TSC22D1: variants seen among roughly 807,000 people sequenced by gnomAD.
TSC22D1 encodes TSC22 domain family protein 1.
TSC22D1 carries 9 observed loss-of-function variants against 74.2 expected under a neutral mutation model. That is an observed-to-expected ratio of 0.12 (90% CI 0.07 to 0.21). The LOEUF is 0.21. TSC22D1 is among the 10% of genes least tolerant of loss of function. The pLI, the probability that TSC22D1 is intolerant of heterozygous loss-of-function variation, is 1.00. For missense variants in TSC22D1, 1,427 were observed against 1,304.7 expected (o/e 1.09, Z -1.44); for synonymous variants, 586 against 492.5 (o/e 1.19, Z -2.51).
intron 1 of TSC22D1, among the ~76,000 whole-genome samples, chr13:44,571,849 A>G (rs965734205): frequency 6.6e-6 from 1 of 152,184 alleles, no homozygotes; most frequent in Admixed American, 6.5e-5. Context: ...AAAATCTTGA[A>G]AGATAAGATT....
chr13:44,532,955 C>A (rs1262055905), intron 1 of TSC22D1, among the ~76,000 whole-genome samples: 1 of 152,072 alleles, frequency 6.6e-6, no homozygotes, highest in Non-Finnish European at 1.5e-5. Flanking sequence ...GATCAACAAG[C>A]AGCAGTAAGT....
rs752508270 is a variant in TSC22D1, at chr13:44,575,240, C to A, written c.835G>T (p.Ala279Ser). ...GCAGGTGAACCACTGGATGATACAGCAGAAGTTGGTGCAACTGGTGTGATA... is the reference window on the plus strand; with the variant it reads ...GCAGGTGAACCACTGGATGATACAGAAGAAGTTGGTGCAACTGGTGTGATA... Reference protein sequence around the residue: ...DSITPVAPTSAVSSSGSPASV... With the variant: ...DSITPVAPTSSVSSSGSPASV... The change falls in exon 1 of 3, where the codon GCT becomes TCT. Residue 279 changes from alanine to serine, a missense_variant. Physicochemically the swap from Ala to Ser is moderately conservative, Grantham distance 99 (BLOSUM62 1). This residue lies in a region of TSC22D1 where 1,343 missense variants were observed against 1,191.5 expected (regional missense o/e 1.13). Coordinates refer to ENST00000458659, the MANE Select transcript of TSC22D1 (RefSeq NM_183422.4). 17 of 1,613,948 alleles carry A rather than the reference C, an allele frequency of 1.1e-5. No individual in the cohort carries two copies. Among genetic ancestry groups the A allele is most frequent in the South Asian group, 6.6e-5 (6 of 91,090 alleles).
intron 1 of TSC22D1, among the ~76,000 whole-genome samples, chr13:44,529,963 G>A (rs1306804023): frequency 1.3e-5 from 2 of 152,062 alleles, no homozygotes; most frequent in Non-Finnish European, 2.9e-5. Flanking sequence ...TTTATAGATA[G>A]GAATACTCAA....
chr13:44,571,439 T>C (rs1883759115), intron 1 of TSC22D1, among the ~76,000 whole-genome samples: 1 of 152,160 alleles, frequency 6.6e-6, no homozygotes, highest in South Asian at 2.1e-4. Flanking sequence ...TATCATGTCC[T>C]ACCAATAGGA....
intron 1 of TSC22D1, among the ~76,000 whole-genome samples, chr13:44,557,248 G>C (rs182072156): frequency 6.6e-6 from 1 of 151,926 alleles, no homozygotes; most frequent in African/African-American, 2.4e-5. Flanking sequence ...GGATCACAAG[G>C]TCAAGAGATA....
intron 1 of TSC22D1, among the ~76,000 whole-genome samples, chr13:44,559,143 G>GT (rs1882872486): frequency 6.6e-6 from 1 of 152,102 alleles, no homozygotes; most frequent in South Asian, 2.1e-4. Context: ...TTGGCTCCAT[G>GT]TTTGACTCTC....
chr13:44,535,226 A>G (rs1881073918), intron 1 of TSC22D1, among the ~76,000 whole-genome samples: 1 of 152,144 alleles, frequency 6.6e-6, no homozygotes, highest in African/African-American at 2.4e-5. Context: ...TACCTATGCC[A>G]TACCTTACCT....
At chr13:44,548,634 A>G (rs1566167518) in intron 1 of TSC22D1, among the ~76,000 whole-genome samples, 1 of 152,226 alleles carries the variant, frequency 6.6e-6, no homozygotes, top group African/African-American at 2.4e-5. Flanking sequence ...AAGACAGTAA[A>G]ACTTCAAAAT....
chr13:44,492,866 A>G (rs1878790882), intron 1 of TSC22D1, among the ~76,000 whole-genome samples: 1 of 152,228 alleles, frequency 6.6e-6, no homozygotes, highest in Admixed American at 6.5e-5. Context: ...CTTAAAATAC[A>G]TAAATATGAG....
At chr13:44,536,008 T>A (rs2138077415) in intron 1 of TSC22D1, among the ~76,000 whole-genome samples, 1 of 152,058 alleles carries the variant, frequency 6.6e-6, no homozygotes, top group African/African-American at 2.4e-5. Context: ...TGAAATATAC[T>A]GTGTCTGTAA....
Position 44,491,667 on chromosome 13 carries a change from G to A in TSC22D1, c.2913-55572C>T, listed in dbSNP as rs559514781. Among the ~76,000 whole-genome samples the A allele has an allele frequency of 4.6e-5, 7 of 152,026 alleles. No homozygotes were observed. In the South Asian group the frequency reaches 6.3e-4, roughly 14 times the overall value. On this transcript the variant is annotated intron_variant, in intron 1 of 2. Transcript: ENST00000458659. ...TAGAAAATTGAGAAAATGAATTTAC[G>A]GAAAAGGAAATATGAACAGTTTAAC...
chr13:44,555,530 C>G (rs1295862685), intron 1 of TSC22D1, among the ~76,000 whole-genome samples: 1 of 152,084 alleles, frequency 6.6e-6, no homozygotes, highest in Non-Finnish European at 1.5e-5. Context: ...CACTTGAACC[C>G]ACGAGGTGGA....
intron 1 of TSC22D1, chr13:44,536,662 A>G: frequency 1.2e-6 from 1 of 869,460 alleles, no homozygotes; most frequent in Non-Finnish European, 1.4e-6. Context: ...CTATTCTGTA[A>G]GAGTTATATT....
chr13:44,510,522 T>A (rs1160393694), intron 1 of TSC22D1, among the ~76,000 whole-genome samples: 1 of 152,260 alleles, frequency 6.6e-6, no homozygotes, highest in Non-Finnish European at 1.5e-5. Context: ...ACAGCACTAT[T>A]TATAAATATA....
chr13:44,501,037 G>C (rs1396983951), intron 1 of TSC22D1, among the ~76,000 whole-genome samples: 1 of 152,150 alleles, frequency 6.6e-6, no homozygotes, highest in Non-Finnish European at 1.5e-5. Context: ...ATGTGCCAGA[G>C]GAATTTTATA....
At chr13:44,512,805 AC>A (rs1879798470) in intron 1 of TSC22D1, among the ~76,000 whole-genome samples, 1 of 151,888 alleles carries the variant, frequency 6.6e-6, no homozygotes, top group Non-Finnish European at 1.5e-5. Context: ...GTGCGCCATC[AC>A]GCCCAGCTAA....
At chr13:44,435,923 T>C in intron 2 of TSC22D1, 121 bp downstream of exon 2, 1 of 1,094,894 alleles carries the variant, frequency 9.1e-7, no homozygotes, top group Non-Finnish European at 1.4e-6. Flanking sequence ...AGCGCCGGCA[T>C]TTCTACGCGC....
chr13:44,445,147 C>T (rs1442759384), intron 1 of TSC22D1, among the ~76,000 whole-genome samples: 1 of 151,848 alleles, frequency 6.6e-6, no homozygotes, highest in Non-Finnish European at 1.5e-5. Context: ...TAACTACTTG[C>T]ATTACCACAG....
At chr13:44,506,043 G>A (rs1595123944) in intron 1 of TSC22D1, among the ~76,000 whole-genome samples, 1 of 152,152 alleles carries the variant, frequency 6.6e-6, no homozygotes. Flanking sequence ...GGTGAACTGG[G>A]ATGCGAATGC....
Sources: gnomAD v4.1 joint callset for allele counts (sites outside exome capture counted in the v4.1 genomes callset) on GRCh38, gnomAD v4.1.1 for gene constraint, gnomAD v4.1.1 regional missense constraint, MANE v1.5 for transcripts, NCBI Gene and HGNC (gene_info 2026-07-23, HGNC 2026-07-21) for gene names.